The following PEPD variants were observed in gnomAD, a reference collection of about 807,000 sequenced individuals.
The protein encoded by PEPD is xaa-Pro dipeptidase.
A neutral mutation model predicts 60.7 loss-of-function variants in PEPD; 53 were observed. The observed-to-expected ratio is 0.87, with a 90% CI of 0.70 to 1.10. The LOEUF (loss-of-function observed/expected upper bound fraction) is 1.10. Ranked by LOEUF, PEPD falls within the 50% of genes least tolerant of loss-of-function variation. PEPD has a pLI of 0.00. For synonymous variants in PEPD, 267 were observed against 284.1 expected, an observed-to-expected ratio of 0.94 and a Z score of 0.60; for missense variants, 711 against 711.9, an observed-to-expected ratio of 1.00 and a Z score of 0.01.
chr19:33,486,029 T>C (rs1416066226), intron 6 of PEPD, among the ~76,000 whole-genome samples: 1 of 151,566 alleles, frequency 6.6e-6, no homozygotes, highest in East Asian at 1.9e-4. Context: ...CTGCCAACAA[T>C]CCCCCAACAG....
chr19:33,474,505 T>C (rs1178250559), intron 7 of PEPD, among the ~76,000 whole-genome samples: 1 of 152,090 alleles, frequency 6.6e-6, no homozygotes, highest in Non-Finnish European at 1.5e-5. Context: ...CTGGCTAACA[T>C]GATGAAACCC....
intron 7 of PEPD, among the ~76,000 whole-genome samples, chr19:33,476,060 C>A (rs1970208088): frequency 6.6e-6 from 1 of 152,166 alleles, no homozygotes; most frequent in African/African-American, 2.4e-5. Context: ...GAGATGGGAT[C>A]TCTCTATGTT....
intron 9 of PEPD, among the ~76,000 whole-genome samples, chr19:33,425,786 T>C (rs755287973): frequency 2.6e-5 from 4 of 152,224 alleles, no homozygotes; most frequent in African/African-American, 4.8e-5. Flanking sequence ...ATGGAATGAC[T>C]AACTCTGGGA....
chr19:33,515,697 C>T (rs531036319), intron 1 of PEPD, among the ~76,000 whole-genome samples: 10 of 151,808 alleles, frequency 6.6e-5, no homozygotes, highest in Admixed American at 4.6e-4. Flanking sequence ...CAGCCACAGT[C>T]GTCGAATAGC....
intron 3 of PEPD, among the ~76,000 whole-genome samples, chr19:33,507,747 G>T (rs1970840534): frequency 6.6e-6 from 1 of 152,134 alleles, no homozygotes; most frequent in Non-Finnish European, 1.5e-5. Flanking sequence ...TACGCAATCA[G>T]ATCTGGCCAC....
intron 13 of PEPD, chr19:33,388,559 C>T: frequency 3.7e-6 from 1 of 273,834 alleles, no homozygotes; most frequent in South Asian, 4.1e-5. Context: ...GTCCCAGCTC[C>T]CCTAGGCCGA....
At chr19:33,456,739 C>T (rs1010277162) in intron 9 of PEPD, among the ~76,000 whole-genome samples, 3 of 152,098 alleles carry the variant, frequency 2.0e-5, no homozygotes, top group African/African-American at 4.8e-5. Context: ...TCTCAGAGGC[C>T]GCCTGGACCC....
chr19:33,448,414 C>T (rs760117778), intron 9 of PEPD, among the ~76,000 whole-genome samples: 36 of 152,158 alleles, frequency 2.4e-4, no homozygotes, highest in Non-Finnish European at 4.3e-4. Context: ...GGGCTCCTTC[C>T]GGCATGGAAG....
Position 33,439,157 on chromosome 19 carries a change from C to T in PEPD, c.671+23838G>A, listed in dbSNP as rs138928426. 1.9e-3 allele frequency among the ~76,000 whole-genome samples: 291 copies of T among 152,374 alleles called. 4 individuals are homozygous for T. The Middle Eastern group carries it at 0.044, about 23-fold the overall frequency. On this transcript the variant is annotated intron_variant, in intron 9 of 14. Transcript: ENST00000244137. ...GAGACGTCATGGACTGTTTACCCCA[C>T]GTGCTTCCCCTGAGGAGGGAAAAGT...
At chr19:33,394,136 T>G (rs1354302965) in intron 12 of PEPD, among the ~76,000 whole-genome samples, 1 of 152,248 alleles carries the variant, frequency 6.6e-6, no homozygotes, top group African/African-American at 2.4e-5. Context: ...CCCAACAGCC[T>G]GCAAAGTTGG....
At chr19:33,490,432 C>T (rs1402938643) in intron 5 of PEPD, among the ~76,000 whole-genome samples, 2 of 152,176 alleles carry the variant, frequency 1.3e-5, no homozygotes, top group East Asian at 1.9e-4. Flanking sequence ...CTTCCCTCTC[C>T]TGCACACACT....
At position 33,387,917 on chromosome 19, in the gene PEPD, G is replaced by A. The variant is rs369183873; in HGVS notation, c.1317C>T (p.Val439=). The change falls in exon 14 of 15, where the codon GTC becomes GTT. Residue 439 remains valine, a synonymous_variant. Coordinates refer to ENST00000244137, the MANE Select transcript of PEPD (RefSeq NM_000285.4). Reference sequence around the variant, plus strand: ...CGCCAAAACCGCGAAAGCGCTGCAGGACCTCGCGGTTAAGGAAGGAGGCGC... The same window carrying A: ...CGCCAAAACCGCGAAAGCGCTGCAGAACCTCGCGGTTAAGGAAGGAGGCGC... ...PARASFLNRE[V]LQRFRGFGGV... is the part of the protein sequence containing the mutation. 957 of 1,587,200 alleles carry A rather than the reference G, an allele frequency of 6.0e-4. 12 individuals carry two copies. The South Asian group carries it at 9.7e-3, about 16-fold the overall frequency.
intron 6 of PEPD, among the ~76,000 whole-genome samples, chr19:33,489,791 C>T (rs1267756699): frequency 6.6e-6 from 1 of 152,168 alleles, no homozygotes; most frequent in African/African-American, 2.4e-5. Flanking sequence ...CCTTATGGAG[C>T]AAACAGACAC....
chr19:33,469,450 A>C (rs1023758741), intron 7 of PEPD, among the ~76,000 whole-genome samples: 6 of 151,886 alleles, frequency 4.0e-5, no homozygotes, highest in Admixed American at 3.3e-4. Context: ...TCTGCCCCCC[A>C]CGGGAGCCGC....
intron 9 of PEPD, among the ~76,000 whole-genome samples, chr19:33,421,988 C>T (rs1005850648): frequency 1.1e-4 from 17 of 152,054 alleles, no homozygotes; most frequent in African/African-American, 4.1e-4. Context: ...GTGTGCTCCA[C>T]AAACGGATCC....
chr19:33,447,430 G>A lies in PEPD; in HGVS notation c.671+15565C>T, dbSNP rs540586451. On this transcript the variant is annotated intron_variant, in intron 9 of 14. Coordinates refer to ENST00000244137, the MANE Select transcript of PEPD (RefSeq NM_000285.4). Reference sequence around the variant, plus strand: ...GACAATGACCCCAGATCCATTTCCCGCTGTCCCCCTGCCAAGTTCCTGCAG... The same window carrying A: ...GACAATGACCCCAGATCCATTTCCCACTGTCCCCCTGCCAAGTTCCTGCAG... 9.8e-5 allele frequency among the ~76,000 whole-genome samples: 15 copies of A among 152,320 alleles called. No homozygotes were observed. In the South Asian group the frequency reaches 2.5e-3, roughly 25 times the overall value.
intron 7 of PEPD, among the ~76,000 whole-genome samples, chr19:33,471,378 T>C (rs1970117483): frequency 6.6e-6 from 1 of 152,184 alleles, no homozygotes; most frequent in Non-Finnish European, 1.5e-5. Flanking sequence ...TTAAGATAAC[T>C]GTAGAAAAGA....
intron 9 of PEPD, among the ~76,000 whole-genome samples, chr19:33,462,448 T>G (rs7247614): frequency 0.31 from 46,780 of 152,064 alleles, 7,924 homozygotes; most frequent in African/African-American, 0.44. Context: ...CACTGACTTC[T>G]GGGTCCTGGA....
chr19:33,514,014 G>A (rs1000557871), intron 1 of PEPD, among the ~76,000 whole-genome samples: 2 of 148,528 alleles, frequency 1.3e-5, no homozygotes, highest in African/African-American at 5.0e-5. Context: ...TGGCCCTCCA[G>A]GTAACATGTA....
Sources: gnomAD v4.1 joint callset for allele counts (sites outside exome capture counted in the v4.1 genomes callset) on GRCh38, gnomAD v4.1.1 for gene constraint, MANE v1.5 for transcripts, NCBI Gene and HGNC (gene_info 2026-07-23, HGNC 2026-07-21) for gene names.